Variants in SH3GL2 observed in about 807,000 individuals in gnomAD.
SH3GL2 encodes the protein SH3 domain containing GRB2 like 2, endophilin A1.
A neutral mutation model predicts 46.0 loss-of-function variants in SH3GL2; 24 were observed. The ratio of observed to expected loss-of-function variants is 0.52; its 90% CI spans 0.38 to 0.73. The LOEUF (loss-of-function observed/expected upper bound fraction) is 0.73, where lower values mean the gene tolerates loss of function less well. Ranked by LOEUF, SH3GL2 falls within the 30% of genes least tolerant of loss-of-function variation. The probability of loss-of-function intolerance (pLI) is 0.00; values close to 1 mark genes in which losing one functional copy is unlikely to be tolerated. For synonymous variants in SH3GL2, 196 were observed against 147.1 expected, an observed-to-expected ratio of 1.33 and a Z score of -2.40; for missense variants, 413 against 424.2, an observed-to-expected ratio of 0.97 and a Z score of 0.23.
intron 1 of SH3GL2, among the ~76,000 whole-genome samples, chr9:17,639,812 C>A (rs1819631811): frequency 6.6e-6 from 1 of 152,070 alleles, no homozygotes; most frequent in South Asian, 2.1e-4. Context: ...AATGTTAATA[C>A]ATGAAAAGAC....
chr9:17,793,618 A>T, intron 8 of SH3GL2, 121 bp downstream of exon 8: 4 of 910,234 alleles, frequency 4.4e-6, no homozygotes, highest in Non-Finnish European at 6.8e-6. Flanking sequence ...TACATTTCTT[A>T]TGGAGTCAGT....
chr9:17,752,402 T>A (rs549329360), intron 2 of SH3GL2, among the ~76,000 whole-genome samples: 2 of 152,332 alleles, frequency 1.3e-5, no homozygotes, highest in East Asian at 3.9e-4. Context: ...TTTTAGTTTT[T>A]CATATGCCTT....
chr9:17,787,456 G>A lies in SH3GL2; in HGVS notation c.408G>A (p.Lys136=), dbSNP rs774889587. 3.7e-6 allele frequency: 6 copies of A among 1,612,890 alleles called. No individual in the cohort carries two copies. The highest frequency in any genetic ancestry group is 5.1e-6 in the Non-Finnish European group (6 of 1,178,976). ...EVKDSLDIEV[K]QNFIDPLQNL... ...AAGACTCTTTGGACATAGAAGTGAA[G>A]CAGAACTTCATTGACCCTCTTCAGA... The change falls in exon 5 of 9, where the codon AAG becomes AAA. Residue 136 remains lysine, a synonymous_variant. Coordinates refer to ENST00000380607, the MANE Select transcript of SH3GL2 (RefSeq NM_003026.5).
intron 1 of SH3GL2, among the ~76,000 whole-genome samples, chr9:17,697,079 C>G (rs752101231): frequency 6.6e-6 from 1 of 152,120 alleles, no homozygotes; most frequent in Admixed American, 6.5e-5. Flanking sequence ...CTCCCTCACA[C>G]CACAGGGTAT....
intron 1 of SH3GL2, among the ~76,000 whole-genome samples, chr9:17,719,936 T>C (rs1240590088): frequency 6.6e-6 from 1 of 151,510 alleles, no homozygotes; most frequent in Admixed American, 6.6e-5. Flanking sequence ...TTATTTTTGA[T>C]AAGTAGAATT....
chr9:17,646,726 G>A (rs896477879), intron 1 of SH3GL2, among the ~76,000 whole-genome samples: 7 of 152,154 alleles, frequency 4.6e-5, no homozygotes, highest in Non-Finnish European at 7.4e-5. Flanking sequence ...AAAGATTGAT[G>A]CCTGCTCCTA....
intron 1 of SH3GL2, among the ~76,000 whole-genome samples, chr9:17,645,369 A>G (rs577095396): frequency 1.3e-5 from 2 of 152,190 alleles, no homozygotes; most frequent in African/African-American, 4.8e-5. Context: ...TATCCCATTT[A>G]CATTTAAGGT....
chr9:17,732,346 G>C (rs1261634926), intron 1 of SH3GL2, among the ~76,000 whole-genome samples: 5 of 152,096 alleles, frequency 3.3e-5, no homozygotes, highest in African/African-American at 4.8e-5. Context: ...TGATATCAAA[G>C]AGAATTAATT....
At position 17,580,530 on chromosome 9, in the gene SH3GL2, C is replaced by G. The variant is rs77961987; in HGVS notation, c.45+1243C>G. ...CCTTTATAGAATCAATTATACCTGT[C>G]AACTTAGGAAATCAAGAAAAGTAAG... On this transcript the variant is annotated intron_variant, in intron 1 of 8. Coordinates refer to ENST00000380607, the MANE Select transcript of SH3GL2 (RefSeq NM_003026.5). Among the ~76,000 whole-genome samples, 834 of 152,300 alleles carry G rather than the reference C, an allele frequency of 5.5e-3. 9 individuals carry two copies. The East Asian group carries it at 0.056, about 10-fold the overall frequency.
At chr9:17,782,914 C>G (rs1264250752) in intron 3 of SH3GL2, among the ~76,000 whole-genome samples, 1 of 152,096 alleles carries the variant, frequency 6.6e-6, no homozygotes, top group Non-Finnish European at 1.5e-5. Context: ...AACTTCACCT[C>G]CCAAATCTTG....
At chr9:17,735,147 C>G (rs1195639527) in intron 1 of SH3GL2, among the ~76,000 whole-genome samples, 1 of 152,034 alleles carries the variant, frequency 6.6e-6, no homozygotes, top group Non-Finnish European at 1.5e-5. Context: ...CTGTCTCTTC[C>G]TCTCAGGTCT....
intron 1 of SH3GL2, among the ~76,000 whole-genome samples, chr9:17,626,396 G>A (rs759083256): frequency 1.3e-5 from 2 of 152,198 alleles, no homozygotes; most frequent in Admixed American, 6.5e-5. Context: ...TAGAAGCCTC[G>A]CTGGGCCAGA....
At chr9:17,632,897 T>A (rs1160328499) in intron 1 of SH3GL2, among the ~76,000 whole-genome samples, 1 of 152,198 alleles carries the variant, frequency 6.6e-6, no homozygotes, top group Non-Finnish European at 1.5e-5. Context: ...TAACGGATTG[T>A]GGTGTTTTAT....
At chr9:17,755,160 C>CTA (rs1158006358) in intron 2 of SH3GL2, among the ~76,000 whole-genome samples, 1 of 152,118 alleles carries the variant, frequency 6.6e-6, no homozygotes, top group Non-Finnish European at 1.5e-5. Flanking sequence ...GGTGCATTCC[C>CTA]TTAATACCTA....
chr9:17,761,141 A>G (rs12554241), intron 2 of SH3GL2, among the ~76,000 whole-genome samples: 14,220 of 152,224 alleles, frequency 0.093, 845 homozygotes, highest in Admixed American at 0.17. Flanking sequence ...CTGGGACAAA[A>G]TATGTTTCAT....
At chr9:17,683,191 T>C (rs1391727566) in intron 1 of SH3GL2, among the ~76,000 whole-genome samples, 7 of 152,096 alleles carry the variant, frequency 4.6e-5, no homozygotes, top group African/African-American at 1.7e-4. Flanking sequence ...AAGCTGAATG[T>C]ATCTCAGCAT....
chr9:17,779,514 C>G (rs1823738588), intron 3 of SH3GL2, among the ~76,000 whole-genome samples: 1 of 152,130 alleles, frequency 6.6e-6, no homozygotes, highest in South Asian at 2.1e-4. Flanking sequence ...GCCCATCCCT[C>G]TTTCTGCAAA....
intron 1 of SH3GL2, chr9:17,630,430 TAA>T (rs1819394252): frequency 6.6e-6 from 1 of 152,218 alleles, no homozygotes; most frequent in African/African-American, 2.4e-5. Flanking sequence ...TGGTTGTACA[TAA>T]GTGTTTTTCA....
intron 1 of SH3GL2, among the ~76,000 whole-genome samples, chr9:17,666,111 A>C (rs1435882984): frequency 1.3e-5 from 2 of 151,774 alleles, no homozygotes; most frequent in African/African-American, 4.8e-5. Flanking sequence ...TAACCTAATG[A>C]CTAGAGTTTA....
Sources: allele counts gnomAD v4.1 joint callset (sites outside exome capture counted in the v4.1 genomes callset), GRCh38; gene constraint gnomAD v4.1.1; transcripts MANE v1.5; gene names NCBI Gene and HGNC (gene_info 2026-07-23, HGNC 2026-07-21).